EBF2: variants seen among roughly 807,000 people sequenced by gnomAD.
EBF2 encodes the protein EBF transcription factor 2, also known as transcription factor COE2.
A neutral mutation model predicts 72.8 loss-of-function variants in EBF2; 21 were observed. That is an observed-to-expected ratio of 0.29 (90% confidence interval 0.20 to 0.42). The LOEUF is 0.42. Among genes scored for constraint, EBF2 ranks in the 10% least tolerant of loss-of-function variants. EBF2 has a pLI of 1.00. For synonymous variants in EBF2, 299 were observed against 274.2 expected (o/e 1.09, Z -0.89); for missense variants, 637 against 731.2 (o/e 0.87, Z 1.49).
chr8:25,858,308 A>T lies in EBF2; in HGVS notation c.1528+11T>A. 6.2e-7 allele frequency: 1 copy of T among 1,613,914 alleles called. No homozygotes were observed. The highest frequency in any genetic ancestry group is 8.5e-7 in the Non-Finnish European group (1 of 1,179,838). ...AAGCATGGAGAGCCAAGTGATGGAG[A>T]GGTCACTTACTTCCATAAGGAGAGC... On this transcript the variant is annotated intron_variant, in intron 14 of 15. Coordinates refer to ENST00000520164, the MANE Select transcript of EBF2 (RefSeq NM_022659.4).
chr8:25,866,141 T>G (rs1033871592), intron 10 of EBF2, among the ~76,000 whole-genome samples: 12 of 152,060 alleles, frequency 7.9e-5, no homozygotes, highest in Admixed American at 5.9e-4. Context: ...CTACTTACAG[T>G]GATCATTTTG....
chr8:25,997,558 C>T (rs1265224677), intron 6 of EBF2, among the ~76,000 whole-genome samples: 1 of 138,670 alleles, frequency 7.2e-6, no homozygotes, highest in African/African-American at 2.6e-5. Flanking sequence ...GGCAACAGAA[C>T]CAGATCCTAT....
intron 6 of EBF2, among the ~76,000 whole-genome samples, chr8:25,968,210 C>T (rs966696546): frequency 6.6e-6 from 1 of 151,974 alleles, no homozygotes; most frequent in African/African-American, 2.4e-5. Context: ...GAACTGGAAG[C>T]AGGGTTTGAA....
In EBF2 at chr8:26,033,014, T is replaced by G. The variant is rs1362853762; in HGVS notation, c.551+71A>C. On this transcript the variant is annotated intron_variant, in intron 6 of 15. Coordinates refer to ENST00000520164, the MANE Select transcript of EBF2 (RefSeq NM_022659.4). ...CAACTTGACAGCAAAGCTCCATGGATCAGTACTCAGAGTTGAGGTTCATGA... is the reference window on the plus strand; with the variant it reads ...CAACTTGACAGCAAAGCTCCATGGAGCAGTACTCAGAGTTGAGGTTCATGA... The G allele has an allele frequency of 5.7e-6, 8 of 1,392,724 alleles. No individual in the cohort carries two copies. The African/African-American group carries it at 1.1e-4, about 20-fold the overall frequency. 86.3% of individuals were successfully genotyped at this position (1,392,724 alleles called of 1,614,324 possible). A position where few individuals can be genotyped will look rare whatever the true frequency, so the allele number is the denominator to read the frequency against.
rs150891819 is a variant in EBF2 at position 25,843,418 on chromosome 8, G to A, written c.*1191C>T. 19 of 152,344 alleles carry A rather than the reference G, an allele frequency of 1.2e-4. 1 individual carries two copies. Among genetic ancestry groups the A allele is most frequent in the African/African-American group, 3.4e-4 (14 of 41,568 alleles). 9.4% of individuals were successfully genotyped at this position (152,344 alleles called of 1,614,324 possible). A position where few individuals can be genotyped will look rare whatever the true frequency, so the allele number is the denominator to read the frequency against. ...CAAACAGAGTTATCTTCTCCAAACC[G>A]TGTTGCTGAAGTTCTATGGGGCTGT... On this transcript the variant is annotated 3_prime_UTR_variant, in exon 16 of 16. Transcript: ENST00000520164.
At chr8:25,854,745 A>G (rs1677851457) in intron 14 of EBF2, among the ~76,000 whole-genome samples, 2 of 152,162 alleles carry the variant, frequency 1.3e-5, no homozygotes, top group African/African-American at 4.8e-5. Context: ...TCTTTTAAAA[A>G]TTATTTTTAT....
chr8:25,970,935 CA>C (rs1421568141), intron 6 of EBF2, among the ~76,000 whole-genome samples: 1 of 152,064 alleles, frequency 6.6e-6, no homozygotes, highest in Non-Finnish European at 1.5e-5. Flanking sequence ...TGGGCTCAAG[CA>C]ACCCTCCCAC....
chr8:25,896,572 C>T (rs1802866842), intron 7 of EBF2, among the ~76,000 whole-genome samples: 1 of 152,046 alleles, frequency 6.6e-6, no homozygotes, highest in African/African-American at 2.4e-5. Flanking sequence ...TGTTCGGTTG[C>T]CATATATGTT....
At position 25,910,489 on chromosome 8, in the gene EBF2, G is replaced by C. The variant is rs142971172; in HGVS notation, c.552-1934C>G. ...GTGCTCCTTGTAATGTGTTCTGTGT[G>C]TGTTAGACTACCCCCACTCCCCGCT... On this transcript the variant is annotated intron_variant, in intron 6 of 15. Coordinates refer to ENST00000520164, the MANE Select transcript of EBF2 (RefSeq NM_022659.4). 1.9e-3 allele frequency among the ~76,000 whole-genome samples: 295 copies of C among 152,278 alleles called. 2 individuals carry two copies. The highest frequency in any genetic ancestry group is 6.8e-3 in the African/African-American group (281 of 41,552).
intron 7 of EBF2, among the ~76,000 whole-genome samples, chr8:25,891,276 C>T (rs115099385): frequency 0.013 from 1,966 of 152,002 alleles, 46 homozygotes; most frequent in African/African-American, 0.045. Context: ...AGGGAGTGGA[C>T]CTGGGTGGAG....
intron 6 of EBF2, among the ~76,000 whole-genome samples, chr8:25,943,330 A>AAAAAGAAAG (rs1803711654): frequency 6.9e-6 from 1 of 145,076 alleles, no homozygotes; most frequent in African/African-American, 2.8e-5. Flanking sequence ...AAAAAAAAAA[A>AAAAAGAAAG]AAAGAAAGAA....
At chr8:25,883,884 C>T (rs1300371307) in intron 10 of EBF2, among the ~76,000 whole-genome samples, 2 of 152,126 alleles carry the variant, frequency 1.3e-5, no homozygotes, top group East Asian at 1.9e-4. Flanking sequence ...ACCTCAGGGA[C>T]AGCACACGCT....
chr8:25,856,903 A>T (rs1221864499), intron 14 of EBF2, among the ~76,000 whole-genome samples: 1 of 152,224 alleles, frequency 6.6e-6, no homozygotes, highest in Non-Finnish European at 1.5e-5. Context: ...ACCAAATGAT[A>T]TTCATGCTGG....
intron 6 of EBF2, among the ~76,000 whole-genome samples, chr8:25,920,455 T>C (rs1379574251): frequency 6.6e-6 from 1 of 152,222 alleles, no homozygotes; most frequent in Non-Finnish European, 1.5e-5. Flanking sequence ...GTCCCACCTA[T>C]TGACAGGCAA....
chr8:25,997,361 G>A (rs944231590), intron 6 of EBF2, among the ~76,000 whole-genome samples: 10 of 152,040 alleles, frequency 6.6e-5, no homozygotes, highest in Admixed American at 2.0e-4. Context: ...GTTTGAGCTC[G>A]GGAATTTGAG....
At chr8:26,000,468 G>A (rs1804706043) in intron 6 of EBF2, among the ~76,000 whole-genome samples, 2 of 152,152 alleles carry the variant, frequency 1.3e-5, no homozygotes, top group South Asian at 4.1e-4. Flanking sequence ...TATTGTATGA[G>A]AAAAATAAGA....
At chr8:25,987,736 A>G (rs906449578) in intron 6 of EBF2, among the ~76,000 whole-genome samples, 70 of 152,232 alleles carry the variant, frequency 4.6e-4, no homozygotes, top group African/African-American at 1.7e-3. Flanking sequence ...CACAAACTGC[A>G]TAAGAACCCA....
intron 10 of EBF2, among the ~76,000 whole-genome samples, chr8:25,868,755 C>T (rs769009184): frequency 6.6e-6 from 1 of 152,190 alleles, no homozygotes; most frequent in Non-Finnish European, 1.5e-5. Flanking sequence ...GGACTATAGG[C>T]ATGAGTCACA....
At chr8:25,946,760 C>T (rs1803775120) in intron 6 of EBF2, among the ~76,000 whole-genome samples, 1 of 152,208 alleles carries the variant, frequency 6.6e-6, no homozygotes, top group Admixed American at 6.5e-5. Context: ...CTAGTCTCAA[C>T]CCCTGCTGCT....
Sources: allele counts gnomAD v4.1 joint callset (sites outside exome capture counted in the v4.1 genomes callset), GRCh38; gene constraint gnomAD v4.1.1; transcripts MANE v1.5; gene names NCBI Gene and HGNC (gene_info 2026-07-23, HGNC 2026-07-21).